ECE1: variants seen among roughly 807,000 people sequenced by gnomAD.
ECE1 encodes the protein endothelin converting enzyme 1, also known as endothelin-converting enzyme 1.
A neutral mutation model predicts 98.6 loss-of-function variants in ECE1; 35 were observed. The observed-to-expected ratio is 0.35, with a 90% confidence interval of 0.27 to 0.47. The LOEUF is 0.47. ECE1 is among the 20% of genes least tolerant of loss of function. ECE1 has a pLI of 1.00. For missense variants in ECE1, 814 were observed against 1,025.3 expected, an observed-to-expected ratio of 0.79 and a Z score of 2.81; for synonymous variants, 394 against 407.1, an observed-to-expected ratio of 0.97 and a Z score of 0.39.
At chr1:21,261,760 C>T (rs2098227194) in intron 4 of ECE1, among the ~76,000 whole-genome samples, 1 of 152,168 alleles carries the variant, frequency 6.6e-6, no homozygotes, top group South Asian at 2.1e-4. Context: ...AAGTCACTCC[C>T]TTCGGAGGGG....
intron 1 of ECE1, among the ~76,000 whole-genome samples, chr1:21,316,378 C>G (rs995803153): frequency 1.3e-5 from 2 of 152,206 alleles, no homozygotes; most frequent in Non-Finnish European, 2.9e-5. Flanking sequence ...AAGCAATGCT[C>G]CTGCCTCAGA....
intron 3 of ECE1, among the ~76,000 whole-genome samples, chr1:21,275,629 G>C (rs1181958261): frequency 6.6e-6 from 1 of 152,188 alleles, no homozygotes; most frequent in Admixed American, 6.5e-5. Flanking sequence ...AGAAATTTGA[G>C]TTCTTCACTA....
intron 2 of ECE1, among the ~76,000 whole-genome samples, chr1:21,283,934 T>A (rs1302919492): frequency 6.6e-5 from 10 of 152,202 alleles, no homozygotes; most frequent in Admixed American, 6.5e-4. Context: ...TGGATAAGCC[T>A]TGTCTCTAAA....
intron 2 of ECE1, among the ~76,000 whole-genome samples, chr1:21,281,430 G>T (rs188598671): frequency 6.6e-6 from 1 of 152,320 alleles, no homozygotes; most frequent in Non-Finnish European, 1.5e-5. Flanking sequence ...AGACAGCCTG[G>T]TATGATGCTA....
intron 5 of ECE1, among the ~76,000 whole-genome samples, chr1:21,259,160 T>C (rs1481618006): frequency 6.6e-6 from 1 of 152,212 alleles, no homozygotes; most frequent in African/African-American, 2.4e-5. Flanking sequence ...ATTGTGTGAA[T>C]GTGATTATAT....
chr1:21,255,827 C>T lies in ECE1; in HGVS notation c.1020+120G>A, dbSNP rs566876746. ...TCTGTGGACTGGGCATAACAACCAT[C>T]CTTCCTTTGTCACATAGTTTCAAGG... On this transcript the variant is annotated intron_variant, in intron 8 of 18. Transcript: ENST00000374893. The T allele has an allele frequency of 3.5e-6, 4 of 1,135,178 alleles. No homozygotes were observed. The African/African-American group carries it at 4.6e-5, about 13-fold the overall frequency. 70.3% of individuals were successfully genotyped at this position (1,135,178 alleles called of 1,614,324 possible). A position where few individuals can be genotyped will look rare whatever the true frequency, so the allele number is the denominator to read the frequency against.
At chr1:21,291,550 C>T (rs1432618837), upstream of ECE1, among the ~76,000 whole-genome samples, 1 of 152,172 alleles carries the variant, frequency 6.6e-6, no homozygotes, top group Non-Finnish European at 1.5e-5. Flanking sequence ...GGCCAGGCAC[C>T]ATGGCTCGCT....
intron 1 of ECE1, among the ~76,000 whole-genome samples, chr1:21,318,845 C>T (rs539896763): frequency 6.6e-6 from 1 of 152,166 alleles, no homozygotes; most frequent in African/African-American, 2.4e-5. Context: ...CCCCAGAGGC[C>T]GCACTTCTGT....
intron 1 of ECE1, among the ~76,000 whole-genome samples, chr1:21,331,988 C>T (rs560880471): frequency 1.6e-4 from 25 of 152,282 alleles, no homozygotes; most frequent in African/African-American, 6.0e-4. Context: ...AAGCAACCTG[C>T]CAGCCCTGGG....
chr1:21,255,880 C>T, intron 8 of ECE1, 67 bp downstream of exon 8: 1 of 1,535,666 alleles, frequency 6.5e-7, no homozygotes, highest in Non-Finnish European at 9.0e-7. Flanking sequence ...TAAAAGCCCC[C>T]AGTCCAGGGC....
intron 8 of ECE1, among the ~76,000 whole-genome samples, chr1:21,250,347 G>A (rs545656193): frequency 1.4e-4 from 21 of 152,246 alleles, no homozygotes; most frequent in African/African-American, 4.8e-4. Flanking sequence ...TTTAGTGTGC[G>A]ATTTTACAGA....
At chr1:21,304,348 C>T (rs1638551686) in intron 1 of ECE1, among the ~76,000 whole-genome samples, 1 of 136,708 alleles carries the variant, frequency 7.3e-6, no homozygotes, top group South Asian at 2.4e-4. Flanking sequence ...AAAAAAGATA[C>T]GCCAATGCTG....
intron 1 of ECE1, among the ~76,000 whole-genome samples, chr1:21,325,903 G>A (rs1012303694): frequency 6.6e-6 from 1 of 152,158 alleles, no homozygotes; most frequent in African/African-American, 2.4e-5. Flanking sequence ...TGCCCCGGCT[G>A]CTCTCCGAAG....
At chr1:21,337,648 C>T (rs1313932487) in intron 1 of ECE1, among the ~76,000 whole-genome samples, 1 of 152,218 alleles carries the variant, frequency 6.6e-6, no homozygotes, top group Non-Finnish European at 1.5e-5. Flanking sequence ...GTGACACCGA[C>T]TGAGTCCTCT....
rs1400045420 is a variant in ECE1, at chr1:21,345,470, G to C, written c.-92C>G. The C allele has an allele frequency of 9.4e-6, 11 of 1,167,390 alleles. No individual in the cohort carries two copies. In the South Asian group the frequency reaches 1.2e-4, roughly 13 times the overall value. The allele number at this position is 1,167,390 out of a possible 1,614,324, so 72.3% of individuals were successfully genotyped here. A position where few individuals can be genotyped will look rare whatever the true frequency, so the allele number is the denominator to read the frequency against. Reference sequence around the variant, plus strand: ...TTCCCTGCTCCCAGCCCAGCTGCTCGGACGGCTCGGCTGCCTGGCCCAGGC... The same window carrying C: ...TTCCCTGCTCCCAGCCCAGCTGCTCCGACGGCTCGGCTGCCTGGCCCAGGC... On this transcript the variant is annotated 5_prime_UTR_variant, in exon 1 of 19. Transcript: ENST00000415912. This position sits in a 1 kb window ranked among gnomAD's most constrained non-coding sequence, Gnocchi z 5.1.
In ECE1 at chr1:21,260,524, C is replaced by G. The variant is rs929307561; in HGVS notation, c.494-132G>C. 5.0e-6 allele frequency: 6 copies of G among 1,207,380 alleles called. No individual in the cohort carries two copies. The Admixed American group carries it at 1.1e-4, about 21-fold the overall frequency. 74.8% of individuals were successfully genotyped at this position (1,207,380 alleles called of 1,614,324 possible). A position where few individuals can be genotyped will look rare whatever the true frequency, so the allele number is the denominator to read the frequency against. ...CTCTGACATCTGCCTGTCGGAGTGG[C>G]AGTGAGGAATGCCGTCACCGTGAGT... On this transcript the variant is annotated intron_variant, in intron 4 of 18. Coordinates refer to ENST00000374893, the MANE Select transcript of ECE1 (RefSeq NM_001397.3). This position sits in a 1 kb window ranked among gnomAD's most constrained non-coding sequence, Gnocchi z 4.3.
chr1:21,303,929 G>A (rs1025529369), intron 1 of ECE1, among the ~76,000 whole-genome samples: 117 of 151,986 alleles, frequency 7.7e-4, no homozygotes, highest in African/African-American at 2.7e-3. Context: ...GGGATTACAG[G>A]CATGAGTCAC....
intron 2 of ECE1, among the ~76,000 whole-genome samples, chr1:21,287,713 T>C (rs1569663371): frequency 6.6e-6 from 1 of 152,216 alleles, no homozygotes; most frequent in Non-Finnish European, 1.5e-5. Flanking sequence ...TGAGGTGTTA[T>C]GATTTTTAAT....
intron 10 of ECE1, among the ~76,000 whole-genome samples, chr1:21,241,903 A>G (rs1343090766): frequency 6.6e-6 from 1 of 152,140 alleles, no homozygotes; most frequent in Admixed American, 6.5e-5. Context: ...CAGGAGATCT[A>G]TGAGTCAGGT....
Sources: allele counts gnomAD v4.1 joint callset (sites outside exome capture counted in the v4.1 genomes callset), GRCh38; gene constraint gnomAD v4.1.1; non-coding constraint Gnocchi (gnomAD v3.1); transcripts MANE v1.5; gene names NCBI Gene and HGNC (gene_info 2026-07-23, HGNC 2026-07-21).